Variants in GRK5 observed in about 807,000 individuals in gnomAD.
The protein encoded by GRK5 is G protein-coupled receptor kinase 5, also known as g protein-coupled receptor kinase GRK5.
A neutral mutation model predicts 78.4 loss-of-function variants in GRK5; 40 were observed. That is an observed-to-expected ratio of 0.51 (90% CI 0.40 to 0.66). The LOEUF (loss-of-function observed/expected upper bound fraction) is 0.66, where lower values mean the gene tolerates loss of function less well. Among genes scored for constraint, GRK5 ranks in the 30% least tolerant of loss-of-function variants. GRK5 has a pLI of 0.00. For missense variants in GRK5, 598 were observed against 759.9 expected, an observed-to-expected ratio of 0.79 and a Z score of 2.50; for synonymous variants, 289 against 296.8, an observed-to-expected ratio of 0.97 and a Z score of 0.27.
intron 3 of GRK5, among the ~76,000 whole-genome samples, chr10:119,395,692 G>A (rs919554318): frequency 6.6e-6 from 1 of 152,154 alleles, no homozygotes. Flanking sequence ...GAGCCCCTCT[G>A]GGATTCAGGG....
intron 1 of GRK5, among the ~76,000 whole-genome samples, chr10:119,292,110 CTCTTCCTCCCTCTCCTCA>C (rs1469931506): frequency 0.011 from 636 of 59,108 alleles, 13 homozygotes; most frequent in East Asian, 0.023. Context: ...CCTCCTTCTC[CTCTTCCTCCCTCTCCTCA>C]TCTTCCTCCT....
At chr10:119,263,922 C>T (rs1001191670) in intron 1 of GRK5, among the ~76,000 whole-genome samples, 4 of 151,888 alleles carry the variant, frequency 2.6e-5, no homozygotes, top group Non-Finnish European at 4.4e-5. Context: ...AGCAAGACTC[C>T]GTCTCAAAAT....
chr10:119,372,274 A>G (rs566134200), intron 2 of GRK5, among the ~76,000 whole-genome samples: 1 of 152,314 alleles, frequency 6.6e-6, no homozygotes, highest in East Asian at 1.9e-4. Flanking sequence ...GCAGCGTGGT[A>G]GTGCTTTGGT....
intron 1 of GRK5, among the ~76,000 whole-genome samples, chr10:119,233,386 A>G (rs1205340469): frequency 6.6e-6 from 1 of 151,936 alleles, no homozygotes; most frequent in African/African-American, 2.4e-5. Context: ...CTTGGTTCCA[A>G]AAGGGCTGCT....
chr10:119,334,039 G>A (rs949346446), intron 2 of GRK5, among the ~76,000 whole-genome samples: 3 of 152,210 alleles, frequency 2.0e-5, no homozygotes, highest in African/African-American at 7.2e-5. Context: ...TGAGTGGGTG[G>A]ATGGATGTTG....
At chr10:119,241,712 T>C (rs558378149) in intron 1 of GRK5, among the ~76,000 whole-genome samples, 2 of 152,282 alleles carry the variant, frequency 1.3e-5, no homozygotes, top group African/African-American at 4.8e-5. Flanking sequence ...CTTGAGGGAA[T>C]GGCCTGCAAA....
chr10:119,363,868 T>C (rs1851403202), intron 2 of GRK5, among the ~76,000 whole-genome samples: 1 of 152,182 alleles, frequency 6.6e-6, no homozygotes, highest in Non-Finnish European at 1.5e-5. Flanking sequence ...AAATGGGAGA[T>C]CTATTACTAT....
rs1195537574 is a variant in GRK5 at position 119,275,613 on chromosome 10, G to GCGCACACACA, written c.53-50902_53-50901insGCACACACAC. Among the ~76,000 whole-genome samples the GCGCACACACA allele has an allele frequency of 1.5e-3, 176 of 120,756 alleles. 2 individuals carry two copies. Among genetic ancestry groups the GCGCACACACA allele is most frequent in the Admixed American group, 8.0e-3 (93 of 11,652 alleles). The allele number at this position is 120,756 out of a possible 152,430, so 79.2% of individuals were successfully genotyped here. On this transcript the variant is annotated intron_variant, in intron 1 of 15. Transcript: ENST00000392870. ...CTCTCTCTCTCTCTCTCTCTCTCTCGCACACACACACACACACACACACAC... is the reference window on the plus strand; with the variant it reads ...CTCTCTCTCTCTCTCTCTCTCTCTCGCGCACACACACACACACACACACACACACACACAC...
At chr10:119,322,880 A>T (rs770628191) in intron 1 of GRK5, among the ~76,000 whole-genome samples, 9 of 152,260 alleles carry the variant, frequency 5.9e-5, no homozygotes, top group Non-Finnish European at 1.0e-4. Context: ...GTTATACGTA[A>T]TAGCTAAAAG....
intron 1 of GRK5, among the ~76,000 whole-genome samples, chr10:119,255,867 G>A (rs1564865557): frequency 6.6e-6 from 1 of 152,198 alleles, no homozygotes; most frequent in Non-Finnish European, 1.5e-5. Context: ...TAGAAGCTGG[G>A]ATGCAGGGAG....
At chr10:119,263,441 C>T (rs1224870073) in intron 1 of GRK5, among the ~76,000 whole-genome samples, 1 of 152,130 alleles carries the variant, frequency 6.6e-6, no homozygotes, top group Non-Finnish European at 1.5e-5. Flanking sequence ...ATGTGTAAAA[C>T]ATCTCTTGGC....
intron 1 of GRK5, among the ~76,000 whole-genome samples, chr10:119,305,262 A>T (rs761256838): frequency 6.6e-6 from 1 of 152,182 alleles, no homozygotes; most frequent in Non-Finnish European, 1.5e-5. Flanking sequence ...TCGCTGACAG[A>T]ACAAGGGGCC....
At chr10:119,323,237 A>G (rs1850615447) in intron 1 of GRK5, among the ~76,000 whole-genome samples, 1 of 152,260 alleles carries the variant, frequency 6.6e-6, no homozygotes, top group South Asian at 2.1e-4. Context: ...TGATGGTTCC[A>G]CAGCAATGGG....
At chr10:119,262,069 A>G (rs76681112) in intron 1 of GRK5, among the ~76,000 whole-genome samples, 3,071 of 151,846 alleles carry the variant, frequency 0.02, 58 homozygotes, top group Admixed American at 0.055. Context: ...ATTTTTGGAA[A>G]CTCACTTTCA....
intron 2 of GRK5, among the ~76,000 whole-genome samples, chr10:119,349,002 TGA>T (rs1257450699): frequency 6.6e-6 from 1 of 152,008 alleles, no homozygotes; most frequent in Non-Finnish European, 1.5e-5. Context: ...TGGCAAGAAA[TGA>T]GAGTTAGGCA....
At chr10:119,343,950 T>C (rs1851028045) in intron 2 of GRK5, among the ~76,000 whole-genome samples, 1 of 152,124 alleles carries the variant, frequency 6.6e-6, no homozygotes, top group African/African-American at 2.4e-5. Context: ...ACTTGGGATG[T>C]ACCATAAACA....
chr10:119,386,095 G>A (rs1201547763), intron 3 of GRK5, among the ~76,000 whole-genome samples: 1 of 152,132 alleles, frequency 6.6e-6, no homozygotes, highest in Non-Finnish European at 1.5e-5. Context: ...ATGTTGCCAT[G>A]GCTGGTCTCA....
intron 2 of GRK5, chr10:119,377,956 A>C (rs1012154486): frequency 6.5e-6 from 1 of 154,316 alleles, no homozygotes. Flanking sequence ...CCCTTGGGGG[A>C]TTGTGTTGAG....
chr10:119,266,031 C>A (rs753114919), intron 1 of GRK5, among the ~76,000 whole-genome samples: 1 of 152,158 alleles, frequency 6.6e-6, no homozygotes, highest in Non-Finnish European at 1.5e-5. Flanking sequence ...CCTAAGGCTA[C>A]CAGGAGACAG....
Sources: allele counts gnomAD v4.1 joint callset (sites outside exome capture counted in the v4.1 genomes callset), GRCh38; gene constraint gnomAD v4.1.1; transcripts MANE v1.5; gene names NCBI Gene and HGNC (gene_info 2026-07-23, HGNC 2026-07-21).